The following CACNA2D3 variants were observed in gnomAD, a reference collection of about 807,000 sequenced individuals.
The protein encoded by CACNA2D3 is voltage-dependent calcium channel subunit alpha-2/delta-3.
In CACNA2D3, 60 loss-of-function variants were observed where a neutral mutation model predicts 160.6. The ratio of observed to expected loss-of-function variants is 0.37; its 90% CI spans 0.30 to 0.46. The LOEUF (loss-of-function observed/expected upper bound fraction) is 0.46. Among genes scored for constraint, CACNA2D3 ranks in the 20% least tolerant of loss-of-function variants. The probability of loss-of-function intolerance (pLI) is 1.00; values close to 1 mark genes in which losing one functional copy is unlikely to be tolerated. For synonymous variants in CACNA2D3, 558 were observed against 492.9 expected (o/e 1.13, Z -1.75); for missense variants, 1,205 against 1,365.0 (o/e 0.88, Z 1.85).
intron 3 of CACNA2D3, among the ~76,000 whole-genome samples, chr3:54,382,411 A>G (rs1699118155): frequency 6.6e-6 from 1 of 152,206 alleles, no homozygotes; most frequent in Non-Finnish European, 1.5e-5. Context: ...GTTACTTTCT[A>G]TTGGCAAGCA....
At chr3:54,703,512 CA>C (rs934904089) in intron 11 of CACNA2D3, among the ~76,000 whole-genome samples, 3 of 152,044 alleles carry the variant, frequency 2.0e-5, no homozygotes, top group Admixed American at 6.6e-5. Flanking sequence ...TAGTTTTGGA[CA>C]AAAGTATTCC....
At chr3:55,019,120 G>A (rs897749853) in intron 35 of CACNA2D3, among the ~76,000 whole-genome samples, 1 of 114,658 alleles carries the variant, frequency 8.7e-6, no homozygotes, top group Non-Finnish European at 1.6e-5. Flanking sequence ...TTTTTAATAA[G>A]TCTAGTCATG....
At chr3:54,812,300 G>A (rs1326988563) in intron 13 of CACNA2D3, among the ~76,000 whole-genome samples, 1 of 152,168 alleles carries the variant, frequency 6.6e-6, no homozygotes, top group East Asian at 1.9e-4. Flanking sequence ...AAGCAGCATG[G>A]CAATAACTTT....
chr3:54,633,654 CACATTCCTCCCAGTGT>C lies in CACNA2D3; in HGVS notation c.1053+5782_1053+5797del, dbSNP rs767199898. 8 of 152,206 alleles carry C rather than the reference CACATTCCTCCCAGTGT, an allele frequency of 5.3e-5. 1 individual carries two copies. Among genetic ancestry groups the C allele is most frequent in the Middle Eastern group, 3.1e-3 (1 of 326 alleles). 9.4% of individuals were successfully genotyped at this position (152,206 alleles called of 1,614,324 possible). ...AAACTTCTATGGCTCCATCCCAGTG[CACATTCCTCCCAGTGT>C]ACAGGCTGGTTGGAGTTTTGCCAAG... On this transcript the variant is annotated intron_variant, in intron 10 of 37. Transcript: ENST00000474759.
At chr3:55,043,987 T>C (rs987113216) in intron 35 of CACNA2D3, among the ~76,000 whole-genome samples, 6 of 152,222 alleles carry the variant, frequency 3.9e-5, no homozygotes, top group Non-Finnish European at 8.8e-5. Flanking sequence ...TTTTCTCTAA[T>C]ATAAAACCGT....
chr3:54,340,852 A>G (rs1704503214), intron 3 of CACNA2D3, among the ~76,000 whole-genome samples: 1 of 152,188 alleles, frequency 6.6e-6, no homozygotes, highest in South Asian at 2.1e-4. Flanking sequence ...TGTGAGCACA[A>G]GGCTGAAGTT....
chr3:54,966,044 A>G (rs56757086), intron 27 of CACNA2D3, among the ~76,000 whole-genome samples: 60,381 of 151,914 alleles, frequency 0.4, 13,724 homozygotes, highest in East Asian at 0.57. Flanking sequence ...ATGAGAACAG[A>G]CTGCAAGTAT....
chr3:54,571,794 C>T (rs1575352838), intron 8 of CACNA2D3, among the ~76,000 whole-genome samples: 1 of 152,032 alleles, frequency 6.6e-6, no homozygotes, highest in East Asian at 1.9e-4. Flanking sequence ...GTTTTGAATC[C>T]CATTCACCAC....
intron 17 of CACNA2D3, among the ~76,000 whole-genome samples, chr3:54,862,647 G>A (rs1575517004): frequency 6.6e-6 from 1 of 152,274 alleles, no homozygotes; most frequent in South Asian, 2.1e-4. Flanking sequence ...CAGAGATGGT[G>A]AGACTAGAGT....
chr3:54,790,636 C>A (rs554190433), intron 13 of CACNA2D3, among the ~76,000 whole-genome samples: 1 of 152,272 alleles, frequency 6.6e-6, no homozygotes, highest in African/African-American at 2.4e-5. Flanking sequence ...TTCCTGTACT[C>A]CAGAACTTCA....
intron 2 of CACNA2D3, among the ~76,000 whole-genome samples, chr3:54,252,046 A>G (rs541933506): frequency 6.8e-6 from 1 of 147,570 alleles, no homozygotes; most frequent in South Asian, 2.1e-4. Flanking sequence ...CCCAAGATAC[A>G]CTGTGTAAAG....
chr3:54,858,475 G>C (rs976533568), intron 17 of CACNA2D3, among the ~76,000 whole-genome samples: 1 of 152,198 alleles, frequency 6.6e-6, no homozygotes, highest in African/African-American at 2.4e-5. Context: ...TGGGGGGAGA[G>C]AGTTATTAAT....
intron 3 of CACNA2D3, among the ~76,000 whole-genome samples, chr3:54,362,473 C>G (rs7431093): frequency 0.89 from 135,594 of 152,212 alleles, 60,631 homozygotes; most frequent in African/African-American, 0.97. Context: ...ATTGAGGGGT[C>G]GCTATCCCAT....
At chr3:54,451,582 T>G (rs12493552) in intron 4 of CACNA2D3, among the ~76,000 whole-genome samples, 21,143 of 152,140 alleles carry the variant, frequency 0.14, 1,758 homozygotes, top group Admixed American at 0.25. Context: ...AATCTCTCCA[T>G]AGGAAGTGTG....
chr3:54,451,975 A>G (rs1351709450), intron 4 of CACNA2D3, among the ~76,000 whole-genome samples: 1 of 152,192 alleles, frequency 6.6e-6, no homozygotes, highest in Non-Finnish European at 1.5e-5. Context: ...TCCAGTGTCT[A>G]ACAACTTTCC....
chr3:54,542,400 C>A (rs2106666561), intron 5 of CACNA2D3, among the ~76,000 whole-genome samples: 1 of 152,154 alleles, frequency 6.6e-6, no homozygotes, highest in Middle Eastern at 3.4e-3. Context: ...CACATAGGCA[C>A]AAAGTAAAGT....
At chr3:54,763,802 CAT>C (rs1181056683) in intron 12 of CACNA2D3, among the ~76,000 whole-genome samples, 144 of 13,306 alleles carry the variant, frequency 0.011, 33 homozygotes, top group African/African-American at 0.029. Flanking sequence ...TATATATGTA[CAT>C]ATATATACAT....
At chr3:54,575,798 G>A (rs1048540587) in intron 8 of CACNA2D3, among the ~76,000 whole-genome samples, 1 of 152,186 alleles carries the variant, frequency 6.6e-6, no homozygotes, top group Non-Finnish European at 1.5e-5. Flanking sequence ...CAAACGTGAT[G>A]GGACAAGGCA....
intron 11 of CACNA2D3, among the ~76,000 whole-genome samples, chr3:54,660,776 G>A (rs748525788): frequency 2.0e-5 from 3 of 152,086 alleles, no homozygotes; most frequent in East Asian, 1.9e-4. Flanking sequence ...CCCTTCTCTC[G>A]GCCCAGAGCC....
Sources: allele counts gnomAD v4.1 joint callset (sites outside exome capture counted in the v4.1 genomes callset), GRCh38; gene constraint gnomAD v4.1.1; transcripts MANE v1.5; gene names NCBI Gene and HGNC (gene_info 2026-07-23, HGNC 2026-07-21).